The following PRSS23 variants were observed in gnomAD, a reference collection of about 807,000 sequenced individuals.
The protein encoded by PRSS23 is serine protease 23.
PRSS23 carries 25 observed loss-of-function variants against 34.7 expected under a neutral mutation model. The ratio of observed to expected loss-of-function variants is 0.72; its 90% CI spans 0.53 to 1.01. The LOEUF (loss-of-function observed/expected upper bound fraction) is 1.01, where lower values mean the gene tolerates loss of function less well. Ranked by LOEUF, PRSS23 falls within the 50% of genes least tolerant of loss-of-function variation. The pLI is 0.00. For synonymous variants in PRSS23, 176 were observed against 186.6 expected (o/e 0.94, Z 0.46); for missense variants, 445 against 475.6 (o/e 0.94, Z 0.60).
intron 1 of PRSS23, among the ~76,000 whole-genome samples, chr11:86,791,469 C>T (rs978242019): frequency 2.6e-5 from 4 of 152,226 alleles, no homozygotes; most frequent in Non-Finnish European, 5.9e-5. Flanking sequence ...ACAAATCCTC[C>T]TGCTGAACCC....
At chr11:86,930,291 T>C (rs1428438248) in intron 2 of PRSS23, among the ~76,000 whole-genome samples, 3 of 152,036 alleles carry the variant, frequency 2.0e-5, no homozygotes, top group Admixed American at 6.6e-5. Context: ...CATGAATGTA[T>C]AAGCTATTCA....
intron 2 of PRSS23, among the ~76,000 whole-genome samples, chr11:86,900,325 G>A (rs775889370): frequency 5.9e-5 from 9 of 152,194 alleles, no homozygotes; most frequent in South Asian, 2.1e-4. Flanking sequence ...AGGAGGAAGC[G>A]GCTTGCATGT....
At chr11:86,841,807 A>C (rs546731087) in intron 2 of PRSS23, among the ~76,000 whole-genome samples, 2 of 152,330 alleles carry the variant, frequency 1.3e-5, no homozygotes, top group South Asian at 4.1e-4. Flanking sequence ...ACCAACCAAA[A>C]AAAGTCCAGG....
At chr11:86,904,153 A>G (rs968797175) in intron 2 of PRSS23, among the ~76,000 whole-genome samples, 2 of 152,184 alleles carry the variant, frequency 1.3e-5, no homozygotes, top group Non-Finnish European at 2.9e-5. Context: ...TGCAGAAAAG[A>G]CTTCTGTGCT....
At chr11:86,860,875 A>G (rs563940696) in intron 2 of PRSS23, among the ~76,000 whole-genome samples, 1 of 151,880 alleles carries the variant, frequency 6.6e-6, no homozygotes, top group Non-Finnish European at 1.5e-5. Flanking sequence ...TATTACTCCC[A>G]ATATCGTAGA....
Position 86,808,943 on chromosome 11 carries a change from A to G in PRSS23, c.*148A>G, listed in dbSNP as rs1948144861. 4 of 670,752 alleles carry G rather than the reference A, an allele frequency of 6.0e-6. No individual in the cohort carries two copies. The South Asian group carries it at 7.5e-5, about 13-fold the overall frequency. 41.6% of individuals were successfully genotyped at this position (670,752 alleles called of 1,614,324 possible). ...TTATAATCTTTTACCTATTTCTTAC[A>G]ATTGCAAGATGACTGGCTTTACTAT... On this transcript the variant is annotated 3_prime_UTR_variant, in exon 2 of 2. Coordinates refer to ENST00000280258, the MANE Select transcript of PRSS23 (RefSeq NM_007173.6).
At chr11:86,803,571 TTTG>T (rs1195381587) in intron 1 of PRSS23, among the ~76,000 whole-genome samples, 2 of 152,278 alleles carry the variant, frequency 1.3e-5, no homozygotes, top group South Asian at 2.1e-4. Context: ...TTTTGCATCA[TTTG>T]TTGTTTTATT....
At chr11:86,923,365 C>T (rs988626711) in intron 2 of PRSS23, among the ~76,000 whole-genome samples, 3 of 152,194 alleles carry the variant, frequency 2.0e-5, no homozygotes, top group Middle Eastern at 3.4e-3. Context: ...GTGATCCTCC[C>T]ACCTAAGCCT....
At position 86,867,891 on chromosome 11, in the gene PRSS23, AT is replaced by A. The variant is rs1331580074; in HGVS notation, c.206+44299del. 4.7e-3 allele frequency among the ~76,000 whole-genome samples: 684 copies of A among 144,406 alleles called. 18 individuals are homozygous for A. Among genetic ancestry groups the A allele is most frequent in the East Asian group, 6.9e-3 (33 of 4,804 alleles). 94.7% of individuals were successfully genotyped at this position (144,406 alleles called of 152,430 possible). A position where few individuals can be genotyped will look rare whatever the true frequency, so the allele number is the denominator to read the frequency against. On this transcript the variant is annotated intron_variant, in intron 2 of 2. Transcript: ENST00000533902. Reference sequence around the variant, plus strand: ...CCCTACCTCAAAAAAAAAAAAAAAAATACAACAGAGGATTTTGTAATGTGAG... The same window carrying A: ...CCCTACCTCAAAAAAAAAAAAAAAAAACAACAGAGGATTTTGTAATGTGAG...
rs762728623 is a variant in PRSS23, at chr11:86,807,998, G to C, written c.355G>C (p.Gly119Arg). Residue 119 changes from glycine to arginine, a missense_variant, in exon 2 of 2, where the codon GGG becomes CGG. Coordinates refer to ENST00000280258, the MANE Select transcript of PRSS23 (RefSeq NM_007173.6). ...SGDGAQHRDS[G>R]SSGKSRRKRQ... ...AGATGGGGCCCAACACCGAGACTCAGGGTCTTCAGGAAAGTCTCGAAGGAA... is the reference window on the plus strand; with the variant it reads ...AGATGGGGCCCAACACCGAGACTCACGGTCTTCAGGAAAGTCTCGAAGGAA... 9.3e-6 allele frequency: 15 copies of C among 1,613,966 alleles called. No homozygotes were observed. The highest frequency in any genetic ancestry group is 5.0e-5 in the Admixed American group (3 of 59,994).
intron 2 of PRSS23, among the ~76,000 whole-genome samples, chr11:86,873,920 A>AT (rs1223385043): frequency 3.9e-5 from 6 of 152,166 alleles, no homozygotes; most frequent in African/African-American, 1.4e-4. Context: ...TCAGACTTTC[A>AT]TTCATGTGAA....
intron 2 of PRSS23, among the ~76,000 whole-genome samples, chr11:86,891,323 G>A (rs114438930): frequency 3.3e-5 from 5 of 152,332 alleles, no homozygotes; most frequent in African/African-American, 1.2e-4. Flanking sequence ...TGCCCCCTCA[G>A]TAATGCTTTC....
chr11:86,887,692 C>T (rs1039109545), intron 2 of PRSS23, among the ~76,000 whole-genome samples: 9 of 152,176 alleles, frequency 5.9e-5, no homozygotes, highest in African/African-American at 1.4e-4. Flanking sequence ...GCTCATAGTC[C>T]GGTGTACTGG....
chr11:86,879,116 G>A (rs539848078), intron 2 of PRSS23, among the ~76,000 whole-genome samples: 1 of 146,886 alleles, frequency 6.8e-6, no homozygotes, highest in African/African-American at 2.5e-5. Context: ...CTTCCCGGCC[G>A]CCATCCCGTC....
intron 2 of PRSS23, among the ~76,000 whole-genome samples, chr11:86,867,294 A>G (rs1948655697): frequency 6.6e-6 from 1 of 152,106 alleles, no homozygotes. Flanking sequence ...TCTCAAAACT[A>G]TTCTCTCATG....
At chr11:86,877,048 A>T (rs1342620385) in intron 2 of PRSS23, among the ~76,000 whole-genome samples, 1 of 152,210 alleles carries the variant, frequency 6.6e-6, no homozygotes, top group East Asian at 1.9e-4. Flanking sequence ...GAGGCACTTC[A>T]TGGTGCACTG....
chr11:86,900,097 CTGA>C (rs1948901518), intron 2 of PRSS23, among the ~76,000 whole-genome samples: 1 of 152,166 alleles, frequency 6.6e-6, no homozygotes, highest in African/African-American at 2.4e-5. Context: ...GTCAATGGAC[CTGA>C]AGGACATGTT....
chr11:86,866,121 T>A (rs1193130674), intron 2 of PRSS23, among the ~76,000 whole-genome samples: 1 of 152,202 alleles, frequency 6.6e-6, no homozygotes, highest in African/African-American at 2.4e-5. Context: ...TTTTTCAATT[T>A]TTTCTTGCAT....
rs949575750 is a variant in PRSS23 at position 86,809,237 on chromosome 11, GT to G, written c.*449del. The G allele has an allele frequency of 1.2e-5, 2 of 167,270 alleles. No homozygotes were observed. Among genetic ancestry groups the G allele is most frequent in the Non-Finnish European group, 1.5e-5 (1 of 68,868 alleles). 10.4% of individuals were successfully genotyped at this position (167,270 alleles called of 1,614,324 possible). ...ATTCATCTTGGTGGTGGGTTTTTTT[GT>G]TTTTTTAATTCAGTGCCTGATCTTT... On this transcript the variant is annotated 3_prime_UTR_variant, in exon 2 of 2. Transcript: ENST00000280258.
Sources: allele counts gnomAD v4.1 joint callset (sites outside exome capture counted in the v4.1 genomes callset), GRCh38; gene constraint gnomAD v4.1.1; transcripts MANE v1.5; gene names NCBI Gene and HGNC (gene_info 2026-07-23, HGNC 2026-07-21).